Variants in DAB1 observed in about 807,000 individuals in gnomAD.
DAB1 encodes the protein disabled homolog 1.
DAB1 carries 15 observed loss-of-function variants against 64.6 expected under a neutral mutation model. The observed-to-expected ratio is 0.23, with a 90% CI of 0.16 to 0.36. DAB1 has a LOEUF of 0.36. Among genes scored for constraint, DAB1 ranks in the 10% least tolerant of loss-of-function variants. The pLI, the probability that DAB1 is intolerant of heterozygous loss-of-function variation, is 1.00. For missense variants in DAB1, 596 were observed against 706.7 expected, an observed-to-expected ratio of 0.84 and a Z score of 1.78; for synonymous variants, 235 against 251.9, an observed-to-expected ratio of 0.93 and a Z score of 0.64.
At chr1:58,159,274 C>G (rs1483718926) in intron 4 of DAB1, among the ~76,000 whole-genome samples, 4 of 152,180 alleles carry the variant, frequency 2.6e-5, no homozygotes, top group Non-Finnish European at 5.9e-5. Context: ...TCTAAAGACT[C>G]ATTCAAGTCA....
At chr1:58,431,904 C>T (rs1419512915) in intron 3 of DAB1, among the ~76,000 whole-genome samples, 2 of 152,158 alleles carry the variant, frequency 1.3e-5, no homozygotes, top group African/African-American at 4.8e-5. Flanking sequence ...CAGAGGAAAG[C>T]GTGACCACTT....
At chr1:57,592,350 C>T (rs571522546) in intron 7 of DAB1, among the ~76,000 whole-genome samples, 1 of 152,212 alleles carries the variant, frequency 6.6e-6, no homozygotes, top group African/African-American at 2.4e-5. Flanking sequence ...TACTTCTCTC[C>T]TCAAGGACTT....
intron 4 of DAB1, among the ~76,000 whole-genome samples, chr1:58,191,072 C>T (rs1397114998): frequency 6.6e-6 from 1 of 152,138 alleles, no homozygotes; most frequent in Non-Finnish European, 1.5e-5. Flanking sequence ...AGAGGGAAAT[C>T]AAGGAGCTTG....
intron 7 of DAB1, among the ~76,000 whole-genome samples, chr1:57,638,141 G>GT (rs1232986705): frequency 5.9e-5 from 9 of 151,844 alleles, no homozygotes; most frequent in African/African-American, 2.2e-4. Flanking sequence ...GTTATTTTTT[G>GT]TTTTTTGTTT....
chr1:57,512,226 C>G (rs555201032), intron 7 of DAB1, among the ~76,000 whole-genome samples: 1 of 152,146 alleles, frequency 6.6e-6, no homozygotes, highest in Non-Finnish European at 1.5e-5. Context: ...ATATGTCTGT[C>G]TCACCCAACT....
chr1:57,711,120 A>T (rs557545983), intron 6 of DAB1, among the ~76,000 whole-genome samples: 6 of 152,334 alleles, frequency 3.9e-5, no homozygotes, highest in Admixed American at 3.9e-4. Flanking sequence ...TCTACACCTT[A>T]GCAGAATTGG....
chr1:58,481,221 T>A (rs938513868), intron 3 of DAB1: 14 of 620,760 alleles, frequency 2.3e-5, no homozygotes, highest in Middle Eastern at 4.2e-4. Flanking sequence ...TATACATCAA[T>A]GTATTCAGAT....
chr1:57,567,632 AACAG>A (rs1219691694), intron 7 of DAB1, among the ~76,000 whole-genome samples: 12 of 152,226 alleles, frequency 7.9e-5, no homozygotes, highest in African/African-American at 2.9e-4. Context: ...ATACACCAAT[AACAG>A]ACAAACAGAG....
intron 3 of DAB1, among the ~76,000 whole-genome samples, chr1:58,398,601 T>G (rs1644543239): frequency 1.3e-5 from 2 of 152,224 alleles, no homozygotes; most frequent in Non-Finnish European, 2.9e-5. Context: ...CTAAGCAGCA[T>G]AGCATTACCT....
rs562531768 is a variant in DAB1 at position 57,516,348 on chromosome 1, A to G, written n.625+133244T>C. On this transcript the variant is annotated intron_variant and non_coding_transcript_variant, in intron 7 of 20. Transcript: ENST00000485760. Reference sequence around the variant, plus strand: ...TGAGACACAGGAAATGATAGCAAAGAAGGAAAAGAAGATTATACAGAAGAT... The same window carrying G: ...TGAGACACAGGAAATGATAGCAAAGGAGGAAAAGAAGATTATACAGAAGAT... 2.0e-5 allele frequency among the ~76,000 whole-genome samples: 3 copies of G among 149,556 alleles called. No individual in the cohort carries two copies. The East Asian group carries it at 5.8e-4, about 29-fold the overall frequency.
intron 7 of DAB1, among the ~76,000 whole-genome samples, chr1:57,500,709 A>T (rs1277029608): frequency 6.6e-6 from 1 of 152,232 alleles, no homozygotes; most frequent in Non-Finnish European, 1.5e-5. Context: ...AGAAAAATCC[A>T]GCTCTTTGCC....
intron 6 of DAB1, among the ~76,000 whole-genome samples, chr1:57,729,431 G>C (rs1647317277): frequency 6.6e-6 from 1 of 152,256 alleles, no homozygotes; most frequent in South Asian, 2.1e-4. Flanking sequence ...CTGAAAGGGA[G>C]GAAGGATAAG....
intron 7 of DAB1, among the ~76,000 whole-genome samples, chr1:57,451,174 C>T (rs942189548): frequency 6.6e-6 from 1 of 152,112 alleles, no homozygotes; most frequent in African/African-American, 2.4e-5. Context: ...TTTGACACAC[C>T]CCTGCATTTG....
intron 4 of DAB1, among the ~76,000 whole-genome samples, chr1:58,290,890 G>A (rs939782443): frequency 6.6e-6 from 1 of 152,150 alleles, no homozygotes; most frequent in African/African-American, 2.4e-5. Context: ...CCGCATTGCT[G>A]AGAGCTGCAG....
intron 7 of DAB1, among the ~76,000 whole-genome samples, chr1:57,588,230 T>G (rs1419810768): frequency 6.6e-6 from 1 of 152,180 alleles, no homozygotes; most frequent in Non-Finnish European, 1.5e-5. Flanking sequence ...TTAAGACCAA[T>G]AGGAAACATC....
intron 7 of DAB1, among the ~76,000 whole-genome samples, chr1:57,430,331 G>T (rs1409225348): frequency 2.6e-5 from 4 of 151,826 alleles, no homozygotes; most frequent in Non-Finnish European, 5.9e-5. Context: ...CACATGCCAG[G>T]CATTTAGGAA....
chr1:58,242,905 C>T (rs1331425591), intron 4 of DAB1, among the ~76,000 whole-genome samples: 3 of 151,954 alleles, frequency 2.0e-5, no homozygotes, highest in Non-Finnish European at 4.4e-5. Flanking sequence ...AAAAAAATAA[C>T]ATAAGCAAAT....
chr1:58,148,754 T>C (rs1654753627), intron 5 of DAB1, among the ~76,000 whole-genome samples: 1 of 147,546 alleles, frequency 6.8e-6, no homozygotes, highest in East Asian at 2.0e-4. Flanking sequence ...TTCACTATCA[T>C]GAGAGCAGCA....
chr1:57,048,029 ATATCT>A (rs1440156725), intron 9 of DAB1, among the ~76,000 whole-genome samples: 6 of 152,244 alleles, frequency 3.9e-5, no homozygotes, highest in African/African-American at 7.2e-5. Flanking sequence ...GCTGTTATAA[ATATCT>A]TATGTGCATT....
Sources: gnomAD v4.1 joint callset for allele counts (sites outside exome capture counted in the v4.1 genomes callset) on GRCh38, gnomAD v4.1.1 for gene constraint, MANE v1.5 for transcripts, NCBI Gene and HGNC (gene_info 2026-07-23, HGNC 2026-07-21) for gene names.